Variants in ACOT7 observed in about 807,000 individuals in gnomAD.
The protein encoded by ACOT7 is acyl-CoA thioesterase 7.
In ACOT7, 12 loss-of-function variants were observed where a neutral mutation model predicts 40.2. That is an observed-to-expected ratio of 0.30 (90% CI 0.19 to 0.48). ACOT7 has a LOEUF of 0.48. ACOT7 is among the 20% of genes least tolerant of loss of function. The probability of loss-of-function intolerance (pLI) is 0.99; values close to 1 mark genes in which losing one functional copy is unlikely to be tolerated. For missense variants in ACOT7, 395 were observed against 530.8 expected (o/e 0.74, Z 2.51); for synonymous variants, 228 against 219.5 (o/e 1.04, Z -0.34).
rs1277916485 is a variant in ACOT7, at chr1:6,299,866, G to A, written c.713-4886C>T. Among the ~76,000 whole-genome samples the A allele has an allele frequency of 1.3e-5, 2 of 152,162 alleles. No homozygotes were observed. Among genetic ancestry groups the A allele is most frequent in the African/African-American group, 4.8e-5 (2 of 41,430 alleles). On this transcript the variant is annotated intron_variant, in intron 6 of 8. Coordinates refer to ENST00000361521, the MANE Select transcript of ACOT7 (RefSeq NM_007274.4). The surrounding 1 kb of genome is among the most constrained non-coding windows in gnomAD (Gnocchi z 4.1). ...CACAGGTGTGCCACGGAATTCCACG[G>A]CATTTCCCACAGACCAACTCTAAAT...
At chr1:6,341,498 T>G (rs1244573650) in intron 2 of ACOT7, among the ~76,000 whole-genome samples, 2 of 152,040 alleles carry the variant, frequency 1.3e-5, no homozygotes, top group East Asian at 1.9e-4. Flanking sequence ...ATCCCAGCAC[T>G]TCGGGAGGCC....
chr1:6,340,227 A>C (rs1462754149), intron 2 of ACOT7, among the ~76,000 whole-genome samples: 2 of 152,030 alleles, frequency 1.3e-5, no homozygotes, highest in Non-Finnish European at 2.9e-5. Flanking sequence ...CGGCCTCCCA[A>C]AGTGCTGGGA....
Position 6,338,212 on chromosome 1 carries a change from C to T in ACOT7, c.418+1221G>A, listed in dbSNP as rs891045227. 1.3e-5 allele frequency among the ~76,000 whole-genome samples: 2 copies of T among 152,118 alleles called. No homozygotes were observed. Among genetic ancestry groups the T allele is most frequent in the Admixed American group, 6.5e-5 (1 of 15,270 alleles). On this transcript the variant is annotated intron_variant, in intron 3 of 8. Coordinates refer to ENST00000361521, the MANE Select transcript of ACOT7 (RefSeq NM_007274.4). The surrounding 1 kb of genome is among the most constrained non-coding windows in gnomAD (Gnocchi z 4.4). ...GAAGGTCCTAGGAAGCAGGAGAGCGCGGCAGGCCATCCCTCCTCTCCAGGA... is the reference window on the plus strand; with the variant it reads ...GAAGGTCCTAGGAAGCAGGAGAGCGTGGCAGGCCATCCCTCCTCTCCAGGA...
intron 6 of ACOT7, among the ~76,000 whole-genome samples, chr1:6,308,626 A>AC (rs1398013948): frequency 0.012 from 1,529 of 126,706 alleles, 39 homozygotes; most frequent in African/African-American, 0.049. Flanking sequence ...GGGAACCACA[A>AC]CAGGCAGAAG....
chr1:6,300,391 C>G (rs891034761), intron 6 of ACOT7, among the ~76,000 whole-genome samples: 15 of 151,802 alleles, frequency 9.9e-5, no homozygotes, highest in African/African-American at 7.3e-5. Context: ...GCTGCAAAGT[C>G]AGTGCCATGA....
rs528490565 is a variant in ACOT7, at chr1:6,282,664, C to T, written c.830-1378G>A. ...GCGGTTAGCAGGCCAGAGGCAAGAG[C>T]GGTTATTCCATGTTAAAAAGTATCA... On this transcript the variant is annotated intron_variant, in intron 7 of 8. Transcript: ENST00000361521. This position sits in a 1 kb window ranked among gnomAD's most constrained non-coding sequence, Gnocchi z 4.5. The T allele has an allele frequency of 6.4e-6, 8 of 1,256,028 alleles. No individual in the cohort carries two copies. The highest frequency in any genetic ancestry group is 5.6e-5 in the East Asian group (1 of 17,772). 77.8% of individuals were successfully genotyped at this position (1,256,028 alleles called of 1,614,324 possible).
At chr1:6,339,239 CCT>C (rs1325533407) in intron 3 of ACOT7, among the ~76,000 whole-genome samples, 192 bp downstream of exon 3, 1 of 152,222 alleles carries the variant, frequency 6.6e-6, no homozygotes, top group East Asian at 1.9e-4. Context: ...TTTCCTAACC[CCT>C]CTGTGCCCCT....
chr1:6,319,508 G>T (rs1640586348), intron 5 of ACOT7, among the ~76,000 whole-genome samples: 1 of 152,146 alleles, frequency 6.6e-6, no homozygotes, highest in Non-Finnish European at 1.5e-5. Context: ...TATAATTTTT[G>T]AAAAGTCAGT....
chr1:6,307,016 G>A (rs1640175027), intron 6 of ACOT7: 1 of 1,007,806 alleles, frequency 9.9e-7, no homozygotes, highest in Non-Finnish European at 1.3e-6. Context: ...TCCTCCTATA[G>A]TCTCAGGCTA....
intron 8 of ACOT7, among the ~76,000 whole-genome samples, chr1:6,272,190 G>GGCCA (rs1391934941): frequency 6.6e-6 from 1 of 152,282 alleles, no homozygotes; most frequent in Non-Finnish European, 1.5e-5. Flanking sequence ...TCCTGCTGGA[G>GGCCA]GCCAGCACCA....
chr1:6,305,639 G>A (rs1557641978), intron 6 of ACOT7, among the ~76,000 whole-genome samples: 1 of 151,818 alleles, frequency 6.6e-6, no homozygotes, highest in African/African-American at 2.4e-5. Context: ...TGGGCGGCCG[G>A]GCAGAGACGC....
At chr1:6,310,659 CT>C (rs1445696412) in intron 6 of ACOT7, among the ~76,000 whole-genome samples, 1 of 152,252 alleles carries the variant, frequency 6.6e-6, no homozygotes, top group African/African-American at 2.4e-5. Context: ...ATACAGGTTT[CT>C]GGGCCCCAGC....
chr1:6,332,377 C>T (rs929020879), intron 4 of ACOT7, among the ~76,000 whole-genome samples: 12 of 152,268 alleles, frequency 7.9e-5, no homozygotes, highest in East Asian at 3.9e-4. Flanking sequence ...GAGAAGGAGG[C>T]GAGGGAGTAC....
rs1379383496 is a variant in ACOT7, at chr1:6,288,658, T to G, written c.829+6206A>C. Among the ~76,000 whole-genome samples the G allele has an allele frequency of 6.6e-6, 1 of 152,110 alleles. No individual in the cohort carries two copies. Among genetic ancestry groups the G allele is most frequent in the Non-Finnish European group, 1.5e-5 (1 of 68,012 alleles). On this transcript the variant is annotated intron_variant, in intron 7 of 8. Transcript: ENST00000361521. The surrounding 1 kb of genome is among the most constrained non-coding windows in gnomAD (Gnocchi z 4.3). Reference sequence around the variant, plus strand: ...TGGCCCTCTGTGGTCTAGGCAAGTGTGGGGCATCCTGGAAGAGTCTGGTTC... The same window carrying G: ...TGGCCCTCTGTGGTCTAGGCAAGTGGGGGGCATCCTGGAAGAGTCTGGTTC...
In ACOT7 at chr1:6,288,185, CT is replaced by C. The variant is rs1639559592; in HGVS notation, c.829+6678del. Among the ~76,000 whole-genome samples, 2 of 152,232 alleles carry C rather than the reference CT, an allele frequency of 1.3e-5. No homozygotes were observed. The highest frequency in any genetic ancestry group is 6.5e-5 in the Admixed American group (1 of 15,294). On this transcript the variant is annotated intron_variant, in intron 7 of 8. Transcript: ENST00000361521. This position sits in a 1 kb window ranked among gnomAD's most constrained non-coding sequence, Gnocchi z 4.3. Reference sequence around the variant, plus strand: ...GTGGGTGCTACCGGGCTCCACGTGCCTTCCCCTGTGCTGGTCCCCTGGGTGC... The same window carrying C: ...GTGGGTGCTACCGGGCTCCACGTGCCTCCCCTGTGCTGGTCCCCTGGGTGC...
chr1:6,332,264 G>A (rs1278876720), intron 4 of ACOT7, among the ~76,000 whole-genome samples: 2 of 152,244 alleles, frequency 1.3e-5, no homozygotes, highest in Non-Finnish European at 2.9e-5. Flanking sequence ...TTCCCTCTAA[G>A]AAGAGCTCTT....
At chr1:6,360,582 T>G in intron 1 of ACOT7, 1 of 1,614,112 alleles carries the variant, frequency 6.2e-7, no homozygotes, top group Non-Finnish European at 8.5e-7. Flanking sequence ...TTTGGCCTTC[T>G]CCCCAAAACA....
chr1:6,286,316 T>C (rs940540102), intron 7 of ACOT7, among the ~76,000 whole-genome samples: 1 of 152,124 alleles, frequency 6.6e-6, no homozygotes, highest in African/African-American at 2.4e-5. Flanking sequence ...CTTGTTTAGT[T>C]CTGGGGAAGG....
At chr1:6,390,251 G>A (rs557475890) in intron 1 of ACOT7, among the ~76,000 whole-genome samples, 4 of 152,294 alleles carry the variant, frequency 2.6e-5, no homozygotes, top group Admixed American at 1.3e-4. Context: ...CTCACCAGTC[G>A]TCTGGCCAAG....
Sources: gnomAD v4.1 joint callset for allele counts (sites outside exome capture counted in the v4.1 genomes callset) on GRCh38, gnomAD v4.1.1 for gene constraint, Gnocchi (gnomAD v3.1) non-coding constraint, MANE v1.5 for transcripts, NCBI Gene and HGNC (gene_info 2026-07-23, HGNC 2026-07-21) for gene names.